The following TMIGD3 variants were observed in gnomAD, a reference collection of about 807,000 sequenced individuals.
TMIGD3 encodes transmembrane and immunoglobulin domain containing 3.
A neutral mutation model predicts 28.1 loss-of-function variants in TMIGD3; 21 were observed. That is an observed-to-expected ratio of 0.75 (90% CI 0.53 to 1.08). The LOEUF is 1.08. Among genes scored for constraint, TMIGD3 ranks in the 50% least tolerant of loss-of-function variants. The probability of loss-of-function intolerance (pLI) is 0.00; values close to 1 mark genes in which losing one functional copy is unlikely to be tolerated. For synonymous variants in TMIGD3, 151 were observed against 162.1 expected (o/e 0.93, Z 0.52); for missense variants, 416 against 435.6 (o/e 0.96, Z 0.40).
At chr1:111,510,003 C>G (rs761034379) in intron 1 of TMIGD3, among the ~76,000 whole-genome samples, 1 of 152,238 alleles carries the variant, frequency 6.6e-6, no homozygotes, top group Admixed American at 6.5e-5. Flanking sequence ...AAAAACAGTC[C>G]AATATCAATT....
intron 3 of TMIGD3, among the ~76,000 whole-genome samples, chr1:111,488,325 G>A (rs533879774): frequency 2.6e-5 from 4 of 152,112 alleles, no homozygotes; most frequent in Admixed American, 2.0e-4. Flanking sequence ...TGGTTCAAGC[G>A]ATTCTCACAC....
exon 1 of TMIGD3, chr1:111,563,961 CTGG>C (rs747628374): frequency 6.2e-7 from 1 of 1,605,766 alleles, no homozygotes; most frequent in African/African-American, 1.3e-5. Context: ...ATTGGTCCAA[CTGG>C]TGGTCTCTAC....
intron 1 of TMIGD3, among the ~76,000 whole-genome samples, chr1:111,541,633 A>T (rs901529445): frequency 2.0e-5 from 3 of 152,096 alleles, no homozygotes; most frequent in African/African-American, 7.2e-5. Flanking sequence ...CAATTGTTAT[A>T]ATCACAAGAA....
chr1:111,499,886 C>T (rs1655071910), intron 1 of TMIGD3: 4 of 1,580,300 alleles, frequency 2.5e-6, no homozygotes, highest in Non-Finnish European at 3.4e-6. Context: ...GGCATACAGG[C>T]CCTCAAGTGT....
chr1:111,500,044 T>G (rs1297855940), intron 1 of TMIGD3: 4 of 1,614,120 alleles, frequency 2.5e-6, no homozygotes, highest in Admixed American at 3.3e-5. Flanking sequence ...TTCCTTGAAC[T>G]TCTTTATTTT....
At chr1:111,513,470 C>T (rs1655758216) in intron 1 of TMIGD3, among the ~76,000 whole-genome samples, 2 of 152,218 alleles carry the variant, frequency 1.3e-5, no homozygotes, top group Admixed American at 6.5e-5. Flanking sequence ...ACCCTGGAAA[C>T]ATTTCTGCTT....
chr1:111,563,101 CA>C (rs894504294), intron 1 of TMIGD3, among the ~76,000 whole-genome samples: 9 of 152,068 alleles, frequency 5.9e-5, no homozygotes, highest in African/African-American at 2.2e-4. Flanking sequence ...AGTAAGTAAG[CA>C]AAACTAACTT....
At chr1:111,543,857 A>C (rs1656938374) in intron 1 of TMIGD3, among the ~76,000 whole-genome samples, 2 of 152,140 alleles carry the variant, frequency 1.3e-5, no homozygotes, top group South Asian at 4.1e-4. Flanking sequence ...GTAAGGGTTT[A>C]TTTTAAAGGA....
intron 1 of TMIGD3, among the ~76,000 whole-genome samples, chr1:111,524,069 G>A (rs867358253): frequency 4.8e-5 from 6 of 124,778 alleles, no homozygotes; most frequent in South Asian, 2.5e-4. Flanking sequence ...TTGCTCTGTC[G>A]CCCAGGCTAG....
At position 111,563,839 on chromosome 1, in the gene TMIGD3, G is replaced by T. The variant is rs1197825174; in HGVS notation, c.107+7C>A. 8.7e-6 allele frequency: 14 copies of T among 1,609,780 alleles called. No individual in the cohort carries two copies. The East Asian group carries it at 3.1e-4, about 36-fold the overall frequency. ...TCCCAGCAGCTATATTTTCTGCTATGACTCACTGTGACTCAGGACTCAAGC... is the reference window on the plus strand; with the variant it reads ...TCCCAGCAGCTATATTTTCTGCTATTACTCACTGTGACTCAGGACTCAAGC... On this transcript the variant is annotated splice_region_variant and intron_variant, in intron 1 of 5. Transcript: ENST00000369717.
chr1:111,485,655 C>T (rs1345849966), intron 5 of TMIGD3, 85 bp downstream of exon 5: 3 of 1,071,600 alleles, frequency 2.8e-6, no homozygotes, highest in Non-Finnish European at 4.1e-6. Flanking sequence ...AAGAGGCTCT[C>T]ATTCACTCAT....
chr1:111,500,492 A>C, intron 1 of TMIGD3: 1 of 1,614,206 alleles, frequency 6.2e-7, no homozygotes. Flanking sequence ...CCCACCAGGA[A>C]TGACACCAGC....
At chr1:111,523,436 A>G (rs1656147034) in intron 1 of TMIGD3, among the ~76,000 whole-genome samples, 1 of 152,096 alleles carries the variant, frequency 6.6e-6, no homozygotes, top group African/African-American at 2.4e-5. Context: ...CTATTGGTCT[A>G]TGATTTTTTT....
intron 1 of TMIGD3, among the ~76,000 whole-genome samples, chr1:111,502,116 A>AC (rs1655223101): frequency 9.5e-6 from 1 of 104,778 alleles, no homozygotes; most frequent in Admixed American, 1.4e-4. Flanking sequence ...TTAATATAAT[A>AC]AATATATAGG....
At chr1:111,499,090 C>CAAAAAA (rs59510125) in intron 1 of TMIGD3, among the ~76,000 whole-genome samples, 176 of 135,650 alleles carry the variant, frequency 1.3e-3, no homozygotes, top group African/African-American at 3.9e-3. Flanking sequence ...GACCTTGTCT[C>CAAAAAA]AAAAAAAAAA....
intron 1 of TMIGD3, among the ~76,000 whole-genome samples, chr1:111,560,777 C>T (rs1252453147): frequency 5.3e-5 from 8 of 152,192 alleles, no homozygotes; most frequent in Non-Finnish European, 8.8e-5. Flanking sequence ...CAGGCACACA[C>T]CACAGCACCT....
At chr1:111,550,807 A>G (rs531492460) in intron 1 of TMIGD3, among the ~76,000 whole-genome samples, 62 of 152,140 alleles carry the variant, frequency 4.1e-4, no homozygotes, top group Non-Finnish European at 7.6e-4. Flanking sequence ...ATTTCATCTT[A>G]ATGTGGTCAG....
Position 111,563,893 on chromosome 1 carries a change from C to T in TMIGD3, c.60G>A (p.Trp20Ter). Residue 20 changes from tryptophan (W) to a stop codon, truncating the protein, a stop_gained, in exon 1 of 6, where the codon TGG (tryptophan) becomes TGA (stop). Transcript: ENST00000369717. LOFTEE classifies it high-confidence loss of function. The stretch of plus-strand genomic sequence containing the variant: ...CCAGTGTCCAGTCTGGCTGCTCTTC[C>T]CAGGAGCTTTCCCACCTGGCCTCCT... 6.2e-6 allele frequency: 10 copies of T among 1,613,830 alleles called. No individual in the cohort carries two copies. Among genetic ancestry groups the T allele is most frequent in the Non-Finnish European group, 7.6e-6 (9 of 1,180,004 alleles).
At chr1:111,504,349 C>A (rs571975276), upstream of TMIGD3, among the ~76,000 whole-genome samples, 1 of 152,326 alleles carries the variant, frequency 6.6e-6, no homozygotes, top group Non-Finnish European at 1.5e-5. Context: ...ACGTGTGCAA[C>A]AGAATCAAAT....
Sources: gnomAD v4.1 joint callset for allele counts (sites outside exome capture counted in the v4.1 genomes callset) on GRCh38, gnomAD v4.1.1 for gene constraint, MANE v1.5 for transcripts, NCBI Gene and HGNC (gene_info 2026-07-23, HGNC 2026-07-21) for gene names.